Variants in TEX14 observed in about 807,000 individuals in gnomAD.
TEX14 encodes the protein testis expressed 14, intercellular bridge forming factor.
TEX14 carries 168 observed loss-of-function variants against 178.6 expected under a neutral mutation model. That is an observed-to-expected ratio of 0.94 (90% CI 0.83 to 1.07). TEX14 has a LOEUF of 1.07. Ranked by LOEUF, TEX14 falls within the 50% of genes least tolerant of loss-of-function variation. The pLI, the probability that TEX14 is intolerant of heterozygous loss-of-function variation, is 0.00. For missense variants in TEX14, 1,730 were observed against 1,753.6 expected (o/e 0.99, Z 0.24); for synonymous variants, 626 against 634.1 (o/e 0.99, Z 0.19).
chr17:58,593,775 C>G (rs1236767878), intron 14 of TEX14, 114 bp from the exon 15 acceptor site: 1 of 832,020 alleles, frequency 1.2e-6, no homozygotes, highest in East Asian at 2.6e-5. Context: ...ACCAGACCTA[C>G]CAGGATTTTC....
intron 28 of TEX14, among the ~76,000 whole-genome samples, chr17:58,564,001 A>G (rs2044345533): frequency 6.6e-6 from 1 of 151,900 alleles, no homozygotes; most frequent in African/African-American, 2.4e-5. Context: ...AGAAAAAAAA[A>G]GCCTCCACCC....
At chr17:58,659,201 T>A in intron 1 of TEX14, 1 of 257,346 alleles carries the variant, frequency 3.9e-6, no homozygotes, top group South Asian at 1.4e-4. Flanking sequence ...GCAGCCGAGT[T>A]TTCTCATTCG....
intron 3 of TEX14, among the ~76,000 whole-genome samples, chr17:58,626,145 C>T (rs1231867089): frequency 6.6e-6 from 1 of 152,152 alleles, no homozygotes; most frequent in Non-Finnish European, 1.5e-5. Flanking sequence ...CCCTTTCCTG[C>T]CCAACAGCAA....
chr17:58,654,941 G>T (rs544959267), intron 1 of TEX14, among the ~76,000 whole-genome samples: 1 of 151,824 alleles, frequency 6.6e-6, no homozygotes, highest in Non-Finnish European at 1.5e-5. Flanking sequence ...GTGAGTCACC[G>T]CGCCTGGCCA....
chr17:58,619,189 A>G (rs943026287), intron 5 of TEX14, among the ~76,000 whole-genome samples: 10 of 152,194 alleles, frequency 6.6e-5, no homozygotes, highest in African/African-American at 2.4e-4. Context: ...TGGGCAGTAC[A>G]TGGCTCTTTG....
chr17:58,599,947 G>C (rs2045389500), intron 13 of TEX14, among the ~76,000 whole-genome samples: 1 of 152,136 alleles, frequency 6.6e-6, no homozygotes, highest in Non-Finnish European at 1.5e-5. Flanking sequence ...TTTATTGTGT[G>C]TCCAAACATG....
At position 58,587,890 on chromosome 17, in the gene TEX14, C is replaced by G. The variant is rs763822171; in HGVS notation, c.2702+6G>C. 5.5e-6 allele frequency: 8 copies of G among 1,450,118 alleles called. No homozygotes were observed. The South Asian group carries it at 9.1e-5, about 16-fold the overall frequency. The allele number at this position is 1,450,118 out of a possible 1,614,324, so 89.8% of individuals were successfully genotyped here. On this transcript the variant is annotated splice_donor_region_variant and intron_variant, in intron 16 of 31. Coordinates refer to ENST00000349033, the MANE Select transcript of TEX14 (RefSeq NM_031272.5). ...CCACCAGTTTCCAGCCCACAAGGAT[C>G]CTTACCTGGTAGAGTCCCAGTGACA... is the stretch of plus-strand genomic sequence containing the variant.
chr17:58,648,438 A>G (rs2046763069), intron 2 of TEX14, among the ~76,000 whole-genome samples: 1 of 152,126 alleles, frequency 6.6e-6, no homozygotes, highest in Non-Finnish European at 1.5e-5. Flanking sequence ...AGTGTGACTA[A>G]TTACTGCTAG....
chr17:58,587,868 C>T, intron 16 of TEX14, 28 bp downstream of exon 16: 1 of 1,548,448 alleles, frequency 6.5e-7, no homozygotes, highest in African/African-American at 1.4e-5. Context: ...CGCTCCACCA[C>T]CAGTTTCCAG....
chr17:58,580,026 G>T (rs2044773756), intron 19 of TEX14, among the ~76,000 whole-genome samples: 1 of 152,096 alleles, frequency 6.6e-6, no homozygotes, highest in South Asian at 2.1e-4. Flanking sequence ...TTGGTTCTTG[G>T]GAGCTTTATC....
intron 1 of TEX14, among the ~76,000 whole-genome samples, chr17:58,658,434 G>T (rs1317265396): frequency 6.8e-6 from 1 of 146,540 alleles, no homozygotes; most frequent in Non-Finnish European, 1.5e-5. Flanking sequence ...GTGTCACCCG[G>T]GCTAGAGTAC....
chr17:58,590,228 T>C (rs2045093724), intron 15 of TEX14, among the ~76,000 whole-genome samples: 1 of 127,262 alleles, frequency 7.9e-6, no homozygotes. Context: ...GCCACTGCAC[T>C]CCAGCCTGGC....
At chr17:58,631,756 TC>T (rs1567747949) in intron 2 of TEX14, 1 of 151,740 alleles carries the variant, frequency 6.6e-6, no homozygotes, top group African/African-American at 2.4e-5. Context: ...TATCTCCCTC[TC>T]GCGGTTTCCA....
chr17:58,663,399 G>A (rs2047152849), intron 1 of TEX14, among the ~76,000 whole-genome samples: 1 of 143,394 alleles, frequency 7.0e-6, no homozygotes, highest in African/African-American at 2.6e-5. Flanking sequence ...TCCAGCCTGG[G>A]CAACAAGAGC....
At chr17:58,593,532 A>T in intron 15 of TEX14, 23 bp downstream of exon 15, 2 of 1,578,640 alleles carry the variant, frequency 1.3e-6, no homozygotes, top group East Asian at 2.2e-5. Flanking sequence ...AGTGACATTA[A>T]GAACAACAAA....
chr17:58,617,581 C>T lies in TEX14; in HGVS notation c.593G>A (p.Gly198Glu). Residue 198 changes from glycine (G) to glutamate (E), a missense_variant, in exon 6 of 32, where the codon GGA (glycine) becomes GAA (glutamate). By Grantham distance (98) the Gly-to-Glu change is moderately conservative (BLOSUM62 -2). This residue lies in a region of TEX14 where 789 missense variants were observed against 681.2 expected (regional missense o/e 1.16). Transcript: ENST00000349033. Reference protein sequence around the residue: ...NGSPNRLLKAGVISAQNIYSF... With the variant: ...NGSPNRLLKAEVISAQNIYSF... The stretch of plus-strand genomic sequence containing the variant: ...GTAGATATTTTGAGCAGAAATGACT[C>T]CAGCTTTAAGCAGTCGGTTAGGAGA... The T allele has an allele frequency of 6.2e-7, 1 of 1,613,808 alleles. No homozygotes were observed.
intron 2 of TEX14, among the ~76,000 whole-genome samples, chr17:58,642,238 A>G (rs964756432): frequency 6.6e-6 from 1 of 152,228 alleles, no homozygotes; most frequent in Non-Finnish European, 1.5e-5. Flanking sequence ...CAGGAAGCAC[A>G]GGGTCACATG....
chr17:58,622,243 C>G (rs919563274), intron 4 of TEX14, among the ~76,000 whole-genome samples: 1 of 152,132 alleles, frequency 6.6e-6, no homozygotes. Flanking sequence ...GTCAGGAGTT[C>G]GAGACCAGCC....
At chr17:58,629,371 T>C (rs1178730279) in intron 3 of TEX14, among the ~76,000 whole-genome samples, 1 of 150,612 alleles carries the variant, frequency 6.6e-6, no homozygotes, top group Non-Finnish European at 1.5e-5. Flanking sequence ...GGAGAATTGC[T>C]TGCAGCCGGG....
Sources: allele counts gnomAD v4.1 joint callset (sites outside exome capture counted in the v4.1 genomes callset), GRCh38; gene constraint gnomAD v4.1.1; regional missense constraint gnomAD v4.1.1; transcripts MANE v1.5; gene names NCBI Gene and HGNC (gene_info 2026-07-23, HGNC 2026-07-21).